Variants in SPMAP2L observed in about 807,000 individuals in gnomAD.
The protein encoded by SPMAP2L is sperm microtubule associated protein 2-like.
the SPMAP2L span, among the ~76,000 whole-genome samples, chr4:56,556,547 C>T: frequency 8.0e-3 from 1,219 of 152,224 alleles, 18 homozygotes; most frequent in African/African-American, 0.028. Flanking sequence ...TGGACAGACT[C>T]ATTTGGGATT....
chr4:56,591,625 A>G, the SPMAP2L span, among the ~76,000 whole-genome samples: 5 of 152,248 alleles, frequency 3.3e-5, no homozygotes, highest in African/African-American at 1.2e-4. Context: ...TAAACAGCAC[A>G]GGAAGGAATT....
chr4:56,559,205 G>T, the SPMAP2L span, among the ~76,000 whole-genome samples: 2 of 151,214 alleles, frequency 1.3e-5, no homozygotes, highest in Non-Finnish European at 2.9e-5. Flanking sequence ...GGTGGCTGAG[G>T]CAGGAGAAGC....
chr4:56,545,718 CAAA>C, the SPMAP2L span, among the ~76,000 whole-genome samples: 406 of 94,108 alleles, frequency 4.3e-3, 1 homozygote, highest in Non-Finnish European at 7.2e-3. Flanking sequence ...GACCCTGTCT[CAAA>C]AAAAAAAAAA....
chr4:56,551,339 A>C, the SPMAP2L span, among the ~76,000 whole-genome samples: 1 of 152,050 alleles, frequency 6.6e-6, no homozygotes, highest in Non-Finnish European at 1.5e-5. Context: ...TGGGAGAGAG[A>C]ATTGGTCCCT....
the SPMAP2L span, chr4:56,559,303 CAAA>C: frequency 0.035 from 22,775 of 646,836 alleles, 1 homozygote; most frequent in South Asian, 0.058. Context: ...AAGACTGTCT[CAAA>C]AAAAAAAAAA....
At chr4:56,543,406 T>C in the SPMAP2L span, among the ~76,000 whole-genome samples, 3 of 151,894 alleles carry the variant, frequency 2.0e-5, no homozygotes, top group African/African-American at 4.8e-5. Flanking sequence ...TAAAATAAAG[T>C]TTAGGGCTGG....
At chr4:56,539,628 G>T in the SPMAP2L span, among the ~76,000 whole-genome samples, 3 of 152,046 alleles carry the variant, frequency 2.0e-5, no homozygotes, top group Non-Finnish European at 4.4e-5. Context: ...CACCATGTTG[G>T]CCAGGCTGGT....
At chr4:56,598,205 G>A in the SPMAP2L span, among the ~76,000 whole-genome samples, 1 of 152,176 alleles carries the variant, frequency 6.6e-6, no homozygotes, top group African/African-American at 2.4e-5. Flanking sequence ...GAGAGTAGTA[G>A]ATGTCATCCT....
the SPMAP2L span, among the ~76,000 whole-genome samples, chr4:56,610,039 C>T: frequency 6.6e-6 from 1 of 152,144 alleles, no homozygotes; most frequent in Non-Finnish European, 1.5e-5. Flanking sequence ...AAGAAATCTA[C>T]AGATTTAATG....
the SPMAP2L span, among the ~76,000 whole-genome samples, chr4:56,553,999 T>A: frequency 3.1e-4 from 2 of 6,480 alleles, no homozygotes; most frequent in African/African-American, 5.4e-4. Context: ...TCCTTTATGT[T>A]TTTTTTTTTG....
chr4:56,609,053 T>TC, the SPMAP2L span, among the ~76,000 whole-genome samples: 1 of 141,324 alleles, frequency 7.1e-6, no homozygotes, highest in East Asian at 2.0e-4. Context: ...TTTCTTTCTT[T>TC]TTTTTTTTTT....
At chr4:56,534,631 T>G in the SPMAP2L span, among the ~76,000 whole-genome samples, 32,537 of 152,046 alleles carry the variant, frequency 0.21, 3,775 homozygotes, top group Admixed American at 0.3. Flanking sequence ...ATTTGGCATG[T>G]AAAACATAAG....
At chr4:56,600,331 G>A in the SPMAP2L span, among the ~76,000 whole-genome samples, 7 of 151,946 alleles carry the variant, frequency 4.6e-5, no homozygotes, top group Non-Finnish European at 1.5e-5. Context: ...GTCTCACTCT[G>A]TTGCCAGGCT....
chr4:56,565,278 C>A, the SPMAP2L span, among the ~76,000 whole-genome samples: 1 of 152,130 alleles, frequency 6.6e-6, no homozygotes, highest in African/African-American at 2.4e-5. Flanking sequence ...AAATTTCTGA[C>A]CATAATTGTG....
the SPMAP2L span, among the ~76,000 whole-genome samples, chr4:56,556,985 A>G: frequency 6.6e-6 from 1 of 152,100 alleles, no homozygotes; most frequent in Non-Finnish European, 1.5e-5. Flanking sequence ...GTGGTGGCTC[A>G]CGCCTGTAAT....
At chr4:56,558,906 A>G in the SPMAP2L span, among the ~76,000 whole-genome samples, 1 of 151,936 alleles carries the variant, frequency 6.6e-6, no homozygotes, top group Non-Finnish European at 1.5e-5. Flanking sequence ...TTTGACTTCT[A>G]TTACATGGTT....
At chr4:56,566,606 G>A in the SPMAP2L span, among the ~76,000 whole-genome samples, 2 of 150,976 alleles carry the variant, frequency 1.3e-5, no homozygotes, top group Non-Finnish European at 2.9e-5. Flanking sequence ...AACTTATAAT[G>A]TGCATCTTCA....
the SPMAP2L span, among the ~76,000 whole-genome samples, chr4:56,540,418 C>T: frequency 6.6e-6 from 1 of 152,108 alleles, no homozygotes; most frequent in Non-Finnish European, 1.5e-5. Context: ...TGGTGCACGC[C>T]TGTAAGCCCA....
the SPMAP2L span, among the ~76,000 whole-genome samples, chr4:56,615,817 C>T: frequency 6.6e-6 from 1 of 152,036 alleles, no homozygotes; most frequent in Non-Finnish European, 1.5e-5. Context: ...CCTTACAACC[C>T]CTGACCAGGC....
Sources: allele counts gnomAD v4.1 joint callset (sites outside exome capture counted in the v4.1 genomes callset), GRCh38; gene constraint gnomAD v4.1.1; transcripts MANE v1.5; gene names NCBI Gene and HGNC (gene_info 2026-07-23, HGNC 2026-07-21).